The following COMMD9 variants were observed in gnomAD, a reference collection of about 807,000 sequenced individuals.
The protein encoded by COMMD9 is COMM domain-containing protein 9.
Under a neutral mutation model 23.4 loss-of-function variants are expected in COMMD9, and 22 were observed. That is an observed-to-expected ratio of 0.94 (90% CI 0.67 to 1.34). COMMD9 has a LOEUF of 1.34. Among genes scored for constraint, COMMD9 ranks in the 40% most tolerant of loss-of-function variants. The pLI is 0.00. For synonymous variants in COMMD9, 99 were observed against 97.4 expected (o/e 1.02, Z -0.10); for missense variants, 231 against 240.2 (o/e 0.96, Z 0.25).
At position 36,272,834 on chromosome 11, in the gene COMMD9, A is replaced by G. The variant is rs879508254; in HGVS notation, c.*1798T>C. 6 of 152,242 alleles carry G rather than the reference A, an allele frequency of 3.9e-5. No homozygotes were observed. Among genetic ancestry groups the G allele is most frequent in the African/African-American group, 1.4e-4 (6 of 41,472 alleles). 9.4% of individuals were successfully genotyped at this position (152,242 alleles called of 1,614,324 possible). A position where few individuals can be genotyped will look rare whatever the true frequency, so the allele number is the denominator to read the frequency against. Reference sequence around the variant, plus strand: ...TGTGTTGTAAAGAGAAAGCTAGAGAAATATGGGTCCACCTCTTAATGAGAC... The same window carrying G: ...TGTGTTGTAAAGAGAAAGCTAGAGAGATATGGGTCCACCTCTTAATGAGAC... On this transcript the variant is annotated 3_prime_UTR_variant, in exon 6 of 6. Coordinates refer to ENST00000263401, the MANE Select transcript of COMMD9 (RefSeq NM_014186.4).
chr11:36,285,644 T>C (rs1031282427), intron 1 of COMMD9, among the ~76,000 whole-genome samples: 4 of 152,020 alleles, frequency 2.6e-5, no homozygotes, highest in African/African-American at 4.8e-5. Context: ...AGATCAGTTA[T>C]ATATATGTAT....
rs183599615 is a variant in COMMD9, at chr11:36,286,916, C to G, written c.51+2446G>C. On this transcript the variant is annotated intron_variant, in intron 1 of 5. Transcript: ENST00000263401. ...GAGAGTGTGGCTATTCATGAGGAATCTTTGTGGTGGTGGAAATGTTTTGTA... is the reference window on the plus strand; with the variant it reads ...GAGAGTGTGGCTATTCATGAGGAATGTTTGTGGTGGTGGAAATGTTTTGTA... Among the ~76,000 whole-genome samples the G allele has an allele frequency of 3.9e-5, 6 of 152,114 alleles. No individual in the cohort carries two copies. In the East Asian group the frequency reaches 7.7e-4, roughly 20 times the overall value.
At position 36,278,594 on chromosome 11, in the gene COMMD9, A is replaced by C; in HGVS notation, c.200T>G (p.Leu67Arg). ...GTCACGGAATGCCACCAGCCTAGTG[A>C]GGCGGTGCAGAGCCTGGAGCAGCTG... Reference protein sequence around the residue: ...AEELLQALHRLTRLVAFRDLS... With the variant: ...AEELLQALHRRTRLVAFRDLS... Residue 67 changes from leucine to arginine, a missense_variant, in exon 3 of 6, where the codon CTC becomes CGC. Leu to Arg is a moderately radical substitution (Grantham distance 102). Coordinates refer to ENST00000263401, the MANE Select transcript of COMMD9 (RefSeq NM_014186.4). 1.2e-6 allele frequency: 2 copies of C among 1,614,110 alleles called. No homozygotes were observed. Among genetic ancestry groups the C allele is most frequent in the Non-Finnish European group, 1.7e-6 (2 of 1,180,004 alleles).
chr11:36,278,503 C>G lies in COMMD9; in HGVS notation c.291G>C (p.Leu97=), dbSNP rs764233843. 6.2e-7 allele frequency: 1 copy of G among 1,613,970 alleles called. No homozygotes were observed. The highest frequency in any genetic ancestry group is 2.2e-5 in the East Asian group (1 of 44,882). The change falls in exon 3 of 6, where the codon CTG becomes CTC. Residue 97 remains leucine, a synonymous_variant. Transcript: ENST00000263401. ...CATGTTCTAGGATGATCTTTGTCAG[C>G]AGGTTTTTGAGGTTTTGGTGGAAAT... ...PENFHQNLKN[L]LTKIILEHVS... is the part of the protein sequence containing the mutation.
chr11:36,275,470 AGTCT>A (rs71044567), intron 5 of COMMD9, among the ~76,000 whole-genome samples: 21,850 of 146,928 alleles, frequency 0.15, 1,748 homozygotes, highest in Admixed American at 0.24. Flanking sequence ...TTTGAGACGG[AGTCT>A]CACTCTTTCA....
chr11:36,276,353 C>G, intron 4 of COMMD9, 113 bp from the exon 5 acceptor site: 1 of 701,116 alleles, frequency 1.4e-6, no homozygotes, highest in African/African-American at 1.8e-5. Context: ...GTCTATGCAG[C>G]AAGTCTCTGA....
chr11:36,279,124 C>T (rs75010425), intron 2 of COMMD9, among the ~76,000 whole-genome samples: 10,791 of 152,254 alleles, frequency 0.071, 434 homozygotes, highest in South Asian at 0.1. Flanking sequence ...CTTACTGAAC[C>T]GTGACACAAG....
At chr11:36,288,438 G>C (rs1856209435) in intron 1 of COMMD9, among the ~76,000 whole-genome samples, 2 of 152,056 alleles carry the variant, frequency 1.3e-5, no homozygotes, top group Admixed American at 1.3e-4. Context: ...ACGGACAACG[G>C]GCAAATAGCT....
chr11:36,280,602 T>G, intron 2 of COMMD9, 110 bp downstream of exon 2: 3 of 1,103,430 alleles, frequency 2.7e-6, no homozygotes, highest in Non-Finnish European at 3.8e-6. Flanking sequence ...TTTGCTACAG[T>G]GTCAACAGAT....
At chr11:36,275,446 CTT>C (rs11458932) in intron 5 of COMMD9, among the ~76,000 whole-genome samples, 96 of 142,442 alleles carry the variant, frequency 6.7e-4, no homozygotes, top group Middle Eastern at 7.3e-3. Flanking sequence ...CTAGTAGAAA[CTT>C]TTTTTTTTTT....
chr11:36,286,830 C>A (rs1003184938), intron 1 of COMMD9, among the ~76,000 whole-genome samples: 1 of 152,068 alleles, frequency 6.6e-6, no homozygotes, highest in Non-Finnish European at 1.5e-5. Context: ...CTGTATTATT[C>A]CATTTATACG....
intron 2 of COMMD9, among the ~76,000 whole-genome samples, chr11:36,280,057 G>A (rs1385189163): frequency 6.6e-6 from 1 of 152,188 alleles, no homozygotes; most frequent in African/African-American, 2.4e-5. Context: ...AGTGAGCCAT[G>A]TCCATGCCAC....
chr11:36,280,568 C>T (rs1313506160), intron 2 of COMMD9, 144 bp downstream of exon 2: 4 of 724,892 alleles, frequency 5.5e-6, no homozygotes, highest in Non-Finnish European at 8.5e-6. Flanking sequence ...TACAGTTCTC[C>T]CATTCATGTC....
chr11:36,276,300 G>T, intron 4 of COMMD9, 60 bp from the exon 5 acceptor site: 1 of 1,238,486 alleles, frequency 8.1e-7, no homozygotes, highest in Non-Finnish European at 1.2e-6. Context: ...AGCATTTATT[G>T]TACGACAGGC....
At chr11:36,282,346 A>T (rs1856080121) in intron 1 of COMMD9, among the ~76,000 whole-genome samples, 1 of 152,170 alleles carries the variant, frequency 6.6e-6, no homozygotes, top group African/African-American at 2.4e-5. Flanking sequence ...ATTCATACCC[A>T]GACATATAAT....
At position 36,289,362 on chromosome 11, in the gene COMMD9, C is replaced by T. The variant is rs113808124; in HGVS notation, c.51G>A (p.Lys17=). The T allele has an allele frequency of 3.0e-4, 464 of 1,551,710 alleles. 2 individuals are homozygous for T. In the African/African-American group the frequency reaches 5.6e-3, roughly 19 times the overall value. The stretch of plus-strand genomic sequence containing the variant: ...CGCTGTCCCCACCCCTTCGACTTAC[C>T]TTGAGCAGGCTCTGGAGTGCTGCAA... ...EHFAALQSLL[K]ASSKDVVRQL... is the part of the protein sequence containing the mutation. The change falls in exon 1 of 6, where the codon AAG becomes AAA. Residue 17 remains lysine, a splice_region_variant and synonymous_variant. Coordinates refer to ENST00000263401, the MANE Select transcript of COMMD9 (RefSeq NM_014186.4).
At chr11:36,282,197 G>T (rs755777196) in intron 1 of COMMD9, among the ~76,000 whole-genome samples, 5 of 152,092 alleles carry the variant, frequency 3.3e-5, no homozygotes, top group Admixed American at 1.3e-4. Flanking sequence ...TGGAGTCCTG[G>T]AAGGAGATGA....
chr11:36,277,086 C>A lies in COMMD9; in HGVS notation c.352+3G>T. On this transcript the variant is annotated splice_donor_region_variant and intron_variant, in intron 4 of 5. Coordinates refer to ENST00000263401, the MANE Select transcript of COMMD9 (RefSeq NM_014186.4). ...AGGGAGGGGCAGATTTATTGGTACT[C>A]ACTCTGATTTGCCTGGGCTTCGGTT... 1.9e-6 allele frequency: 3 copies of A among 1,605,066 alleles called. No homozygotes were observed. The highest frequency in any genetic ancestry group is 2.6e-6 in the Non-Finnish European group (3 of 1,175,678).
rs1052331623 is a variant in COMMD9 at position 36,274,323 on chromosome 11, C to T, written c.*309G>A. The stretch of plus-strand genomic sequence containing the variant: ...GGCCTGAATTTCTCAAACAGCTATG[C>T]AGAGGCAGCTGACGATGCAAATGTT... On this transcript the variant is annotated 3_prime_UTR_variant, in exon 6 of 6. Transcript: ENST00000263401. 1.7e-6 allele frequency: 1 copy of T among 588,218 alleles called. No individual in the cohort carries two copies. Among genetic ancestry groups the T allele is most frequent in the Non-Finnish European group, 3.2e-6 (1 of 312,864 alleles). The allele number at this position is 588,218 out of a possible 1,614,324, so 36.4% of individuals were successfully genotyped here.
Sources: allele counts gnomAD v4.1 joint callset (sites outside exome capture counted in the v4.1 genomes callset), GRCh38; gene constraint gnomAD v4.1.1; transcripts MANE v1.5; gene names NCBI Gene and HGNC (gene_info 2026-07-23, HGNC 2026-07-21).